USP48: variants seen among roughly 807,000 people sequenced by gnomAD.
The protein encoded by USP48 is ubiquitin specific peptidase 48.
In USP48, 43 loss-of-function variants were observed where a neutral mutation model predicts 150.7. The ratio of observed to expected loss-of-function variants is 0.29; its 90% CI spans 0.22 to 0.37. The LOEUF is 0.37. Among genes scored for constraint, USP48 ranks in the 10% least tolerant of loss-of-function variants. USP48 has a pLI of 1.00. For synonymous variants in USP48, 396 were observed against 425.9 expected (o/e 0.93, Z 0.86); for missense variants, 813 against 1,249.6 (o/e 0.65, Z 5.27).
Position 21,690,047 on chromosome 1 carries a change from C to A in USP48, c.2936G>T (p.Gly979Val). The stretch of plus-strand genomic sequence containing the variant: ...GGCACAGTCATCACTTAAAATCTTT[C>A]CATCAATTGACAAATTCTGGTCAAA... ...APFDQNLSIDGKILSDDCATL... is the reference protein window; with the variant it reads ...APFDQNLSIDVKILSDDCATL... Residue 979 changes from glycine to valine, a missense_variant, in exon 24 of 27, where the codon GGA (glycine) becomes GTA (valine). Gly to Val is a moderately radical substitution (Grantham distance 109, BLOSUM62 -3). Coordinates refer to ENST00000308271, the MANE Select transcript of USP48 (RefSeq NM_032236.8). The A allele has an allele frequency of 6.2e-7, 1 of 1,614,124 alleles. No individual in the cohort carries two copies. Among genetic ancestry groups the A allele is most frequent in the Non-Finnish European group, 8.5e-7 (1 of 1,180,006 alleles).
intron 6 of USP48, among the ~76,000 whole-genome samples, chr1:21,751,153 A>G (rs1305917555): frequency 6.6e-6 from 1 of 152,188 alleles, no homozygotes; most frequent in East Asian, 1.9e-4. Flanking sequence ...TATCAATGTA[A>G]AAAAGTTTCA....
Position 21,690,028 on chromosome 1 carries a change from G to C in USP48, c.2955C>G (p.Asp985Glu). The change falls in exon 24 of 27, where the codon GAC (aspartate) becomes GAG (glutamate). Residue 985 changes from aspartate to glutamate, a missense_variant. Transcript: ENST00000308271. ...CGCCAAGGGTGCCTAGGGTGGCACA[G>C]TCATCACTTAAAATCTTTCCATCAA... is the stretch of plus-strand genomic sequence containing the variant. The part of the protein sequence containing the change: ...LSIDGKILSD[D>E]CATLGTLGVI... The C allele has an allele frequency of 6.2e-7, 1 of 1,614,146 alleles. No homozygotes were observed. The highest frequency in any genetic ancestry group is 1.3e-5 in the African/African-American group (1 of 75,028).
chr1:21,765,333 G>A (rs1187868913), intron 1 of USP48, among the ~76,000 whole-genome samples: 1 of 152,156 alleles, frequency 6.6e-6, no homozygotes, highest in African/African-American at 2.4e-5. Flanking sequence ...AGGACAGACC[G>A]GGCGGGGTGT....
chr1:21,706,003 T>C (rs2097671220), intron 18 of USP48, 123 bp downstream of exon 18: 1 of 1,161,254 alleles, frequency 8.6e-7, no homozygotes, highest in Non-Finnish European at 1.2e-6. Context: ...AAGCTTTCAG[T>C]GTATGCTGGT....
intron 22 of USP48, among the ~76,000 whole-genome samples, chr1:21,700,933 C>T (rs145175474): frequency 1.3e-5 from 2 of 151,928 alleles, no homozygotes; most frequent in Admixed American, 6.5e-5. Flanking sequence ...GGAGTGGTGG[C>T]GCATGCCTGT....
At chr1:21,699,052 C>T (rs1369838031) in intron 22 of USP48, among the ~76,000 whole-genome samples, 2 of 152,062 alleles carry the variant, frequency 1.3e-5, no homozygotes, top group Non-Finnish European at 2.9e-5. Context: ...TGTACATGCA[C>T]AGAGTCTTGC....
At chr1:21,740,193 G>A (rs2152566186) in intron 8 of USP48, among the ~76,000 whole-genome samples, 1 of 152,368 alleles carries the variant, frequency 6.6e-6, no homozygotes, top group Middle Eastern at 3.4e-3. Flanking sequence ...TTACAGGCAT[G>A]AGCCACTGCG....
At chr1:21,778,940 C>A (rs1185476456) in intron 1 of USP48, among the ~76,000 whole-genome samples, 1 of 151,960 alleles carries the variant, frequency 6.6e-6, no homozygotes, top group Non-Finnish European at 1.5e-5. Context: ...CGCCACCATG[C>A]CCGGCTAATT....
chr1:21,706,446 C>T (rs777243537), intron 17 of USP48, 21 bp downstream of exon 17: 1 of 1,613,396 alleles, frequency 6.2e-7, no homozygotes, highest in Admixed American at 1.7e-5. Context: ...TGCATTCTTT[C>T]TTTTGTGGGA....
At chr1:21,690,273 A>G (rs1304175562) in intron 23 of USP48, among the ~76,000 whole-genome samples, 174 bp from the exon 24 acceptor site, 1 of 151,912 alleles carries the variant, frequency 6.6e-6, no homozygotes, top group Non-Finnish European at 1.5e-5. Context: ...TATCGTCCCT[A>G]TATATCCGGG....
At chr1:21,752,446 G>A (rs767731663) in intron 5 of USP48, 81 bp downstream of exon 5, 31 of 1,519,792 alleles carry the variant, frequency 2.0e-5, no homozygotes, top group Non-Finnish European at 2.6e-5. Flanking sequence ...GCTACAACCT[G>A]GAACTGCACT....
Position 21,736,529 on chromosome 1 carries a change from G to C in USP48, c.1088C>G (p.Ser363Cys). ...ATCATTAAACTTATACCATTCACCA[G>C]ACTGTGGATCTTTCACGTGGGCGAT... ...HYIAHVKDPQ[S>C]GEWYKFNDED... The change falls in exon 9 of 27, where the codon TCT (serine) becomes TGT (cysteine). Residue 363 changes from serine to cysteine, a missense_variant. Transcript: ENST00000308271. The C allele has an allele frequency of 6.2e-7, 1 of 1,600,834 alleles. No individual in the cohort carries two copies. Among genetic ancestry groups the C allele is most frequent in the Non-Finnish European group, 8.5e-7 (1 of 1,175,948 alleles).
At chr1:21,743,357 T>TC (rs1445721428) in intron 8 of USP48, among the ~76,000 whole-genome samples, 1 of 152,094 alleles carries the variant, frequency 6.6e-6, no homozygotes, top group Non-Finnish European at 1.5e-5. Context: ...CATATAAATG[T>TC]CCAAAGACAT....
At chr1:21,741,536 C>T (rs1275361269) in intron 8 of USP48, among the ~76,000 whole-genome samples, 4 of 152,176 alleles carry the variant, frequency 2.6e-5, no homozygotes, top group Non-Finnish European at 4.4e-5. Flanking sequence ...ATTTTGTAAG[C>T]TCTAATTCAA....
chr1:21,695,175 A>G lies in USP48; in HGVS notation c.2774T>C (p.Ile925Thr), dbSNP rs2097623311. 1 of 1,613,198 alleles carries G rather than the reference A, an allele frequency of 6.2e-7. No homozygotes were observed. Among genetic ancestry groups the G allele is most frequent in the Admixed American group, 1.7e-5 (1 of 59,778 alleles). ...GCGAATAACTTGCTTTTGATAGGCT[A>G]TATAATTTTGATGGGATATCTTTTG... ...KRQKISHQNY[I>T]AYQKQVIRRS... The change falls in exon 23 of 27, where the codon ATA becomes ACA. Residue 925 changes from isoleucine to threonine, a missense_variant. By Grantham distance (89) the Ile-to-Thr change is moderately conservative. Transcript: ENST00000308271.
At chr1:21,780,563 T>G (rs1354972483) in intron 1 of USP48, among the ~76,000 whole-genome samples, 1 of 152,056 alleles carries the variant, frequency 6.6e-6, no homozygotes, top group African/African-American at 2.4e-5. Context: ...CCCAGGTATT[T>G]TTTTAATGAA....
intron 1 of USP48, among the ~76,000 whole-genome samples, chr1:21,782,197 G>C (rs1192465745): frequency 2.0e-5 from 3 of 152,290 alleles, no homozygotes; most frequent in African/African-American, 7.2e-5. Flanking sequence ...CTATATGAGG[G>C]GGTTAAGGAA....
At chr1:21,705,952 A>G (rs2097671071) in intron 18 of USP48, 115 bp from the exon 19 acceptor site, 1 of 1,060,544 alleles carries the variant, frequency 9.4e-7, no homozygotes, top group East Asian at 2.7e-5. Flanking sequence ...TTAGTAATTC[A>G]ATGTGTTTCT....
intron 1 of USP48, among the ~76,000 whole-genome samples, chr1:21,781,485 G>A (rs1185859479): frequency 1.3e-5 from 2 of 152,142 alleles, no homozygotes; most frequent in Admixed American, 6.6e-5. Flanking sequence ...GGTGGCTCAC[G>A]CCTGTAATCC....
Sources: gnomAD v4.1 joint callset for allele counts (sites outside exome capture counted in the v4.1 genomes callset) on GRCh38, gnomAD v4.1.1 for gene constraint, MANE v1.5 for transcripts, NCBI Gene and HGNC (gene_info 2026-07-23, HGNC 2026-07-21) for gene names.